NIPSNAP2: variants seen among roughly 807,000 people sequenced by gnomAD.
The protein encoded by NIPSNAP2 is protein NipSnap homolog 2.
A neutral mutation model predicts 48.4 loss-of-function variants in NIPSNAP2; 42 were observed. That is an observed-to-expected ratio of 0.87 (90% CI 0.68 to 1.12). The LOEUF (loss-of-function observed/expected upper bound fraction) is 1.12, where lower values mean the gene tolerates loss of function less well. Ranked by LOEUF, NIPSNAP2 falls within the 50% of genes most tolerant of loss-of-function variation. The pLI is 0.00. For missense variants in NIPSNAP2, 314 were observed against 347.3 expected, an observed-to-expected ratio of 0.90 and a Z score of 0.76; for synonymous variants, 158 against 126.6, an observed-to-expected ratio of 1.25 and a Z score of -1.67.
intron 7 of NIPSNAP2, among the ~76,000 whole-genome samples, chr7:55,992,795 T>C (rs1051524641): frequency 2.0e-5 from 3 of 152,174 alleles, no homozygotes; most frequent in Non-Finnish European, 4.4e-5. Context: ...CAGTGTGGTA[T>C]GGATTTACTG....
intron 1 of NIPSNAP2, among the ~76,000 whole-genome samples, chr7:55,972,434 CT>C (rs562085477): frequency 2.3e-3 from 312 of 136,588 alleles, no homozygotes; most frequent in Middle Eastern, 3.9e-3. Context: ...TTTTCTTTTT[CT>C]TTTTTTTTTT....
chr7:55,978,294 T>C, intron 2 of NIPSNAP2, 29 bp downstream of exon 2: 1 of 1,613,316 alleles, frequency 6.2e-7, no homozygotes, highest in Non-Finnish European at 8.5e-7. Flanking sequence ...ATCTTCATAG[T>C]TGACTTTTTT....
At chr7:55,965,213 G>C (rs1786867114) in intron 1 of NIPSNAP2, 1 of 152,314 alleles carries the variant, frequency 6.6e-6, no homozygotes, top group Non-Finnish European at 1.5e-5. Flanking sequence ...GCGGAGCGTA[G>C]GGGAAGTTAG....
rs186481552 is a variant in NIPSNAP2, at chr7:55,987,004, A to C, written c.617+2126A>C. Among the ~76,000 whole-genome samples the C allele has an allele frequency of 9.3e-3, 1,340 of 144,078 alleles. 76 individuals are homozygous for C. In the East Asian group the frequency reaches 0.17, roughly 18 times the overall value. The allele number at this position is 144,078 out of a possible 152,430, so 94.5% of individuals were successfully genotyped here. ...TCTATAAAAAAAAAAAAAAAAAAAA[A>C]AAAAAACTTGCCAGGCGTGGTGGTG... On this transcript the variant is annotated intron_variant, in intron 7 of 9. Coordinates refer to ENST00000322090, the MANE Select transcript of NIPSNAP2 (RefSeq NM_001483.3).
rs1397718179 is a variant in NIPSNAP2, at chr7:55,964,653, G to A, written c.44G>A (p.Gly15Asp). The change falls in exon 1 of 10, where the codon GGC (glycine) becomes GAC (aspartate). Residue 15 changes from glycine (G) to aspartate (D), a missense_variant. Around this residue, in one of 2 missense-constraint regions of NIPSNAP2, gnomAD observed 198 missense variants for 185.5 expected, o/e 1.07. Transcript: ENST00000322090. ...VLRARGAAWA[G>D]GLLQRAAPCS... ...CGCGCCCGCGGAGCGGCCTGGGCCG[G>A]CGGCCTCCTGCAGCGGGCGGCCCCC... 1.8e-6 allele frequency: 2 copies of A among 1,101,550 alleles called. No homozygotes were observed. Among genetic ancestry groups the A allele is most frequent in the Non-Finnish European group, 2.2e-6 (2 of 905,514 alleles). The allele number at this position is 1,101,550 out of a possible 1,614,324, so 68.2% of individuals were successfully genotyped here.
chr7:55,973,574 A>G (rs1466880531), intron 1 of NIPSNAP2, among the ~76,000 whole-genome samples: 1 of 151,898 alleles, frequency 6.6e-6, no homozygotes, highest in African/African-American at 2.4e-5. Flanking sequence ...TCCTGGGTTC[A>G]AGCGATTCTC....
intron 1 of NIPSNAP2, among the ~76,000 whole-genome samples, chr7:55,972,382 C>A (rs1324099792): frequency 6.6e-6 from 1 of 150,498 alleles, no homozygotes; most frequent in Non-Finnish European, 1.5e-5. Flanking sequence ...TTGTGTATCA[C>A]TAATTTTATA....
intron 3 of NIPSNAP2, 141 bp downstream of exon 3, chr7:55,978,536 G>A (rs932301902): frequency 5.2e-6 from 4 of 774,184 alleles, no homozygotes; most frequent in African/African-American, 3.5e-5. Flanking sequence ...CTTAAACTGA[G>A]CTTCATGTGG....
chr7:55,998,478 A>C (rs957028722), intron 9 of NIPSNAP2, among the ~76,000 whole-genome samples: 7 of 143,420 alleles, frequency 4.9e-5, no homozygotes, highest in Admixed American at 3.6e-4. Flanking sequence ...TAAAACAAAT[A>C]TCCAGGTAGG....
In NIPSNAP2 at chr7:55,999,495, T is replaced by C. The variant is rs895911058; in HGVS notation, c.*423T>C. On this transcript the variant is annotated 3_prime_UTR_variant, in exon 10 of 10. Coordinates refer to ENST00000322090, the MANE Select transcript of NIPSNAP2 (RefSeq NM_001483.3). ...ACAAATTTCTTGTATCAGGAAGAAA[T>C]ACAAATTTTGTCATGTTTCTCAAGC... The C allele has an allele frequency of 4.5e-5, 7 of 156,710 alleles. No homozygotes were observed. The highest frequency in any genetic ancestry group is 9.9e-5 in the Non-Finnish European group (7 of 71,004). The allele number at this position is 156,710 out of a possible 1,614,324, so 9.7% of individuals were successfully genotyped here. A position where few individuals can be genotyped will look rare whatever the true frequency, so the allele number is the denominator to read the frequency against.
Position 55,999,968 on chromosome 7 carries a change from T to C in NIPSNAP2, c.*896T>C, listed in dbSNP as rs1787644344. On this transcript the variant is annotated 3_prime_UTR_variant, in exon 10 of 10. Coordinates refer to ENST00000322090, the MANE Select transcript of NIPSNAP2 (RefSeq NM_001483.3). Reference sequence around the variant, plus strand: ...TTGGCATAAAGCTGCATACTTTTTGTCTAGCTGTTTGATTTCATTTTTTAA... The same window carrying C: ...TTGGCATAAAGCTGCATACTTTTTGCCTAGCTGTTTGATTTCATTTTTTAA... 6.6e-6 allele frequency: 1 copy of C among 152,610 alleles called. No homozygotes were observed. Among genetic ancestry groups the C allele is most frequent in the Non-Finnish European group, 1.5e-5 (1 of 68,036 alleles). The allele number at this position is 152,610 out of a possible 1,614,324, so 9.5% of individuals were successfully genotyped here. A position where few individuals can be genotyped will look rare whatever the true frequency, so the allele number is the denominator to read the frequency against.
chr7:55,972,621 G>A (rs533591236), intron 1 of NIPSNAP2, among the ~76,000 whole-genome samples: 40 of 151,564 alleles, frequency 2.6e-4, no homozygotes, highest in South Asian at 1.5e-3. Context: ...TAGTAGAGAC[G>A]GGGTTTCTGC....
Position 55,981,562 on chromosome 7 carries a change from A to T in NIPSNAP2, c.368A>T (p.Gln123Leu). Reference protein sequence around the residue: ...TWNTWYGEQDQAVHLWRYEGG... With the variant: ...TWNTWYGEQDLAVHLWRYEGG... ...AACACGTGGTATGGCGAGCAGGACC[A>T]AGCTGGTAGGAAGCGAAGTCTTTGG... Residue 123 changes from glutamine (Q) to leucine (L), a missense_variant, in exon 4 of 10, where the codon CAA becomes CTA. Around this residue, in one of 2 missense-constraint regions of NIPSNAP2, gnomAD observed 198 missense variants for 185.5 expected, o/e 1.07. Coordinates refer to ENST00000322090, the MANE Select transcript of NIPSNAP2 (RefSeq NM_001483.3). 5 of 1,612,236 alleles carry T rather than the reference A, an allele frequency of 3.1e-6. No individual in the cohort carries two copies. Among genetic ancestry groups the T allele is most frequent in the Non-Finnish European group, 4.2e-6 (5 of 1,178,498 alleles).
chr7:55,967,989 A>T (rs1078650), intron 1 of NIPSNAP2, among the ~76,000 whole-genome samples: 1 of 151,492 alleles, frequency 6.6e-6, no homozygotes, highest in African/African-American at 2.4e-5. Flanking sequence ...GGGTCTTGCT[A>T]TGTTCCCCAG....
At chr7:55,982,523 C>T (rs988229792) in intron 5 of NIPSNAP2, among the ~76,000 whole-genome samples, 7 of 151,672 alleles carry the variant, frequency 4.6e-5, no homozygotes, top group African/African-American at 7.3e-5. Flanking sequence ...CCAAGGCAGG[C>T]GGATCACAAG....
intron 1 of NIPSNAP2, among the ~76,000 whole-genome samples, chr7:55,966,821 T>C (rs1179507167): frequency 6.6e-6 from 1 of 152,140 alleles, no homozygotes; most frequent in East Asian, 1.9e-4. Context: ...ATGTGTGAGA[T>C]TGCTTGAGGC....
chr7:55,981,184 G>T, intron 3 of NIPSNAP2: 2 of 179,714 alleles, frequency 1.1e-5, no homozygotes, highest in Non-Finnish European at 2.3e-5. Context: ...TAGACCCATA[G>T]CTCCCAAAAT....
At chr7:55,975,344 G>C (rs6593292) in intron 1 of NIPSNAP2, among the ~76,000 whole-genome samples, 108,372 of 151,932 alleles carry the variant, frequency 0.71, 39,058 homozygotes, top group Non-Finnish European at 0.76. Context: ...CAGAGTAAGA[G>C]CCTGTCTCAA....
intron 5 of NIPSNAP2, among the ~76,000 whole-genome samples, chr7:55,983,464 T>C (rs923752987): frequency 1.3e-5 from 2 of 152,218 alleles, no homozygotes; most frequent in African/African-American, 2.4e-5. Context: ...TCTAAAAATA[T>C]AGCAAATTAA....
Sources: gnomAD v4.1 joint callset for allele counts (sites outside exome capture counted in the v4.1 genomes callset) on GRCh38, gnomAD v4.1.1 for gene constraint, gnomAD v4.1.1 regional missense constraint, MANE v1.5 for transcripts, NCBI Gene and HGNC (gene_info 2026-07-23, HGNC 2026-07-21) for gene names.